Variants in DUSP22 observed in about 807,000 individuals in gnomAD.
DUSP22 encodes the protein dual specificity protein phosphatase 22.
In DUSP22, 24 loss-of-function variants were observed where a neutral mutation model predicts 24.5. That is an observed-to-expected ratio of 0.98 (90% CI 0.71 to 1.38). The LOEUF (loss-of-function observed/expected upper bound fraction) is 1.38. DUSP22 is among the 40% of genes most tolerant of loss of function. The pLI is 0.00. For missense variants in DUSP22, 330 were observed against 269.2 expected (o/e 1.23, Z -1.58); for synonymous variants, 160 against 106.4 (o/e 1.50, Z -3.10).
intron 2 of DUSP22, among the ~76,000 whole-genome samples, chr6:311,473 G>T (rs2127397783): frequency 6.6e-6 from 1 of 152,426 alleles, no homozygotes; most frequent in South Asian, 2.1e-4. Context: ...GAGGTCAGGA[G>T]ATCGAGACCA....
intron 4 of DUSP22, among the ~76,000 whole-genome samples, chr6:335,368 T>C (rs1438570815): frequency 6.6e-6 from 1 of 152,306 alleles, no homozygotes; most frequent in East Asian, 1.9e-4. Context: ...GGTTGACTGG[T>C]CCTTCCATTA....
At chr6:315,044 C>T (rs979403274) in intron 3 of DUSP22, among the ~76,000 whole-genome samples, 5 of 152,420 alleles carry the variant, frequency 3.3e-5, no homozygotes, top group East Asian at 1.9e-4. Flanking sequence ...TGGGTGGTCT[C>T]TGATGCGTCT....
At chr6:335,266 G>T in intron 4 of DUSP22, 103 bp downstream of exon 4, 1 of 1,415,016 alleles carries the variant, frequency 7.1e-7, no homozygotes, top group South Asian at 1.2e-5. Flanking sequence ...GAGCTCACGG[G>T]ACCCTTGCTG....
rs543019381 is a variant in DUSP22 at position 314,289 on chromosome 6, G to A, written c.138+2327G>A. Among the ~76,000 whole-genome samples, 8 of 152,424 alleles carry A rather than the reference G, an allele frequency of 5.2e-5. No individual in the cohort carries two copies. The East Asian group carries it at 1.2e-3, about 22-fold the overall frequency. On this transcript the variant is annotated intron_variant, in intron 3 of 6. Coordinates refer to ENST00000419235, the MANE Select transcript of DUSP22 (RefSeq NM_001286555.3). ...AACCATACGTATTTATTGAATGGCCGCTGGCTTCTCTGGGCAGCCCCAGGC... is the reference window on the plus strand; with the variant it reads ...AACCATACGTATTTATTGAATGGCCACTGGCTTCTCTGGGCAGCCCCAGGC...
At chr6:302,191 A>G (rs1428802692) in intron 1 of DUSP22, among the ~76,000 whole-genome samples, 1 of 152,300 alleles carries the variant, frequency 6.6e-6, no homozygotes, top group African/African-American at 2.4e-5. Context: ...ACACAGCTGT[A>G]CCTTTCCTGT....
rs1008292398 is a variant in DUSP22 at position 305,878 on chromosome 6, T to C, written c.55+1217T>C. On this transcript the variant is annotated intron_variant, in intron 2 of 6. Coordinates refer to ENST00000419235, the MANE Select transcript of DUSP22 (RefSeq NM_001286555.3). ...AACATGGCCACTCCTGTTGGCTTTCTGGATGTTGCTGAAATTTCTGAGTTC... is the reference window on the plus strand; with the variant it reads ...AACATGGCCACTCCTGTTGGCTTTCCGGATGTTGCTGAAATTTCTGAGTTC... Among the ~76,000 whole-genome samples, 8 of 152,420 alleles carry C rather than the reference T, an allele frequency of 5.2e-5. No homozygotes were observed. The South Asian group carries it at 1.7e-3, about 32-fold the overall frequency.
intron 1 of DUSP22, among the ~76,000 whole-genome samples, chr6:302,491 G>A (rs1173736823): frequency 6.6e-6 from 1 of 152,308 alleles, no homozygotes; most frequent in Non-Finnish European, 1.5e-5. Context: ...GGTCCTGAGT[G>A]TCACTGTCCC....
chr6:349,426 G>A lies in DUSP22; in HGVS notation c.*475G>A, dbSNP rs1005378794. On this transcript the variant is annotated 3_prime_UTR_variant, in exon 7 of 7. Coordinates refer to ENST00000419235, the MANE Select transcript of DUSP22 (RefSeq NM_001286555.3). Reference sequence around the variant, plus strand: ...TGTGGCCACCTTTCCCTTTGTCCAAGACTCCACATGGAAGGCATTTGAGCT... The same window carrying A: ...TGTGGCCACCTTTCCCTTTGTCCAAAACTCCACATGGAAGGCATTTGAGCT... The A allele has an allele frequency of 9.9e-7, 1 of 1,014,652 alleles. No individual in the cohort carries two copies. Among genetic ancestry groups the A allele is most frequent in the African/African-American group, 1.7e-5 (1 of 58,042 alleles). The allele number at this position is 1,014,652 out of a possible 1,614,324, so 62.9% of individuals were successfully genotyped here.
chr6:333,718 C>G (rs187571879), intron 3 of DUSP22, among the ~76,000 whole-genome samples: 2 of 152,300 alleles, frequency 1.3e-5, no homozygotes, highest in African/African-American at 4.8e-5. Flanking sequence ...CACTTTGCCC[C>G]GAGCCAGCCC....
At chr6:328,281 G>A (rs570341770) in intron 3 of DUSP22, among the ~76,000 whole-genome samples, 12 of 152,418 alleles carry the variant, frequency 7.9e-5, no homozygotes, top group East Asian at 1.9e-4. Context: ...GAAAGCACCC[G>A]GTAGGGCTTT....
Position 349,331 on chromosome 6 carries a change from AAT to A in DUSP22, c.*381_*382del. Reference sequence around the variant, plus strand: ...TGTTGTGAAAGTGTCTGTGCACATGAATGTTTGTGTGTGTGTGAACTCTTTCT... The same window carrying A: ...TGTTGTGAAAGTGTCTGTGCACATGAGTTTGTGTGTGTGTGAACTCTTTCT... On this transcript the variant is annotated 3_prime_UTR_variant, in exon 7 of 7. Coordinates refer to ENST00000419235, the MANE Select transcript of DUSP22 (RefSeq NM_001286555.3). The A allele has an allele frequency of 9.2e-7, 1 of 1,088,140 alleles. No individual in the cohort carries two copies. The highest frequency in any genetic ancestry group is 1.1e-6 in the Non-Finnish European group (1 of 893,928). 67.4% of individuals were successfully genotyped at this position (1,088,140 alleles called of 1,614,324 possible).
At chr6:340,904 G>T (rs1227335126) in intron 4 of DUSP22, among the ~76,000 whole-genome samples, 1 of 152,302 alleles carries the variant, frequency 6.6e-6, no homozygotes, top group Non-Finnish European at 1.5e-5. Context: ...CCTCAAAAGT[G>T]AACACCATGT....
At chr6:306,989 A>G (rs998355169) in intron 2 of DUSP22, among the ~76,000 whole-genome samples, 6 of 152,306 alleles carry the variant, frequency 3.9e-5, no homozygotes, top group Non-Finnish European at 8.8e-5. Flanking sequence ...ATAAGCACCC[A>G]CACACTCACT....
chr6:329,192 G>A (rs1476035099), intron 3 of DUSP22, among the ~76,000 whole-genome samples: 3 of 152,302 alleles, frequency 2.0e-5, no homozygotes, highest in Non-Finnish European at 4.4e-5. Flanking sequence ...CTGGGTCTAC[G>A]ATCTTCAAGA....
At position 304,674 on chromosome 6, in the gene DUSP22, T is replaced by C; in HGVS notation, c.55+13T>C. The C allele has an allele frequency of 6.2e-7, 1 of 1,614,134 alleles. No individual in the cohort carries two copies. Among genetic ancestry groups the C allele is most frequent in the Non-Finnish European group, 8.5e-7 (1 of 1,179,924 alleles). On this transcript the variant is annotated intron_variant, in intron 2 of 6. Coordinates refer to ENST00000419235, the MANE Select transcript of DUSP22 (RefSeq NM_001286555.3). ...GGCAACTTCAAAGGTGAGTTCTTGC[T>C]TTTTTATTGTTGTGATAAAATACAC...
intron 6 of DUSP22, 119 bp from the exon 7 acceptor site, chr6:348,648 GCT>G (rs1760004572): frequency 1.3e-6 from 2 of 1,499,240 alleles, no homozygotes; most frequent in Non-Finnish European, 1.8e-6. Context: ...ATTTCCCACT[GCT>G]GTTTGTTTCC....
In DUSP22 at chr6:348,173, G is replaced by C; in HGVS notation, c.334G>C (p.Glu112Gln). Residue 112 changes from glutamate (E) to glutamine (Q), a missense_variant, in exon 6 of 7, where the codon GAG becomes CAG. Transcript: ENST00000419235. The stretch of plus-strand genomic sequence containing the variant: ...CATGACCGTCACTGACTTTGGCTGG[G>C]AGGATGCCCTGCACACCGTGCGTGC... Reference protein sequence around the residue: ...YIMTVTDFGWEDALHTVRAGR... With the variant: ...YIMTVTDFGWQDALHTVRAGR... 6.2e-7 allele frequency: 1 copy of C among 1,614,304 alleles called. No homozygotes were observed.
At chr6:343,222 A>G (rs3778604) in intron 4 of DUSP22, among the ~76,000 whole-genome samples, 12,431 of 148,968 alleles carry the variant, frequency 0.083, 28 homozygotes, top group East Asian at 0.24. Flanking sequence ...ATGCTACCTG[A>G]TATCAGCAAC....
At chr6:301,975 C>G (rs1757598930) in intron 1 of DUSP22, among the ~76,000 whole-genome samples, 1 of 152,264 alleles carries the variant, frequency 6.6e-6, no homozygotes, top group Admixed American at 6.5e-5. Flanking sequence ...AGTAGATGTA[C>G]AAAGAAAAAA....
Sources: gnomAD v4.1 joint callset for allele counts (sites outside exome capture counted in the v4.1 genomes callset) on GRCh38, gnomAD v4.1.1 for gene constraint, MANE v1.5 for transcripts, NCBI Gene and HGNC (gene_info 2026-07-23, HGNC 2026-07-21) for gene names.